The following ATP6V1C1 variants were observed in gnomAD, a reference collection of about 807,000 sequenced individuals.
ATP6V1C1 encodes the protein ATPase H+ transporting V1 subunit C1, also known as V-type proton ATPase subunit C 1.
A neutral mutation model predicts 53.9 loss-of-function variants in ATP6V1C1; 45 were observed. The observed-to-expected ratio is 0.83, with a 90% confidence interval of 0.66 to 1.07. ATP6V1C1 has a LOEUF of 1.07. Ranked by LOEUF, ATP6V1C1 falls within the 50% of genes least tolerant of loss-of-function variation. The probability of loss-of-function intolerance (pLI) is 0.00; values close to 1 mark genes in which losing one functional copy is unlikely to be tolerated. For missense variants in ATP6V1C1, 315 were observed against 440.3 expected, an observed-to-expected ratio of 0.72 and a Z score of 2.55; for synonymous variants, 153 against 155.2, an observed-to-expected ratio of 0.99 and a Z score of 0.11.
At chr8:103,062,177 T>G (rs1183096867) in intron 8 of ATP6V1C1, among the ~76,000 whole-genome samples, 1 of 136,122 alleles carries the variant, frequency 7.3e-6, no homozygotes, top group Non-Finnish European at 1.6e-5. Flanking sequence ...TTTTTTTTTT[T>G]TTTTTTTTTT....
chr8:103,030,880 A>G (rs1346385014), intron 1 of ATP6V1C1, among the ~76,000 whole-genome samples: 1 of 152,218 alleles, frequency 6.6e-6, no homozygotes, highest in African/African-American at 2.4e-5. Context: ...GATATGGGAG[A>G]GAGAACTTAT....
rs535291897 is a variant in ATP6V1C1 at position 103,070,564 on chromosome 8, A to G, written c.*1817A>G. 3 of 152,312 alleles carry G rather than the reference A, an allele frequency of 2.0e-5. No homozygotes were observed. Among genetic ancestry groups the G allele is most frequent in the Non-Finnish European group, 2.9e-5 (2 of 68,034 alleles). The allele number at this position is 152,312 out of a possible 1,614,324, so 9.4% of individuals were successfully genotyped here. ...TCTGTAACGTGGCGCTACTCTCTCT[A>G]TCATGGGGGGGCATGTTTTGACATT... is the stretch of plus-strand genomic sequence containing the variant. On this transcript the variant is annotated 3_prime_UTR_variant, in exon 13 of 13. Transcript: ENST00000518738.
chr8:103,061,808 C>T (rs901955555), intron 8 of ATP6V1C1, among the ~76,000 whole-genome samples: 1 of 152,204 alleles, frequency 6.6e-6, no homozygotes, highest in African/African-American at 2.4e-5. Context: ...TTCCCCTGCC[C>T]CAAGGTTATC....
chr8:103,042,297 TAA>T, intron 2 of ATP6V1C1, 41 bp from the exon 3 acceptor site: 3 of 1,486,390 alleles, frequency 2.0e-6, no homozygotes, highest in Non-Finnish European at 2.8e-6. Flanking sequence ...TTTTTTTTTT[TAA>T]AAAAGCATGC....
intron 8 of ATP6V1C1, among the ~76,000 whole-genome samples, chr8:103,057,835 T>G (rs1217246472): frequency 6.6e-6 from 1 of 152,232 alleles, no homozygotes; most frequent in African/African-American, 2.4e-5. Flanking sequence ...TGAATGTTTT[T>G]TTTTTCATTT....
At chr8:103,035,381 T>C (rs1446046895) in intron 1 of ATP6V1C1, among the ~76,000 whole-genome samples, 2 of 152,250 alleles carry the variant, frequency 1.3e-5, no homozygotes, top group Non-Finnish European at 2.9e-5. Flanking sequence ...TCCCTGCTAT[T>C]GCCAGGAATT....
chr8:103,046,871 A>G (rs1194868093), intron 3 of ATP6V1C1, among the ~76,000 whole-genome samples: 1 of 152,208 alleles, frequency 6.6e-6, no homozygotes, highest in Non-Finnish European at 1.5e-5. Flanking sequence ...ATCCTCTTGT[A>G]AATAGGCATA....
chr8:103,021,168 A>G lies in ATP6V1C1; in HGVS notation c.-97A>G, dbSNP rs973313183. 5 of 152,974 alleles carry G rather than the reference A, an allele frequency of 3.3e-5. No individual in the cohort carries two copies. Among genetic ancestry groups the G allele is most frequent in the African/African-American group, 1.2e-4 (5 of 41,474 alleles). The allele number at this position is 152,974 out of a possible 1,614,324, so 9.5% of individuals were successfully genotyped here. A position where few individuals can be genotyped will look rare whatever the true frequency, so the allele number is the denominator to read the frequency against. On this transcript the variant is annotated 5_prime_UTR_variant, in exon 1 of 13. Coordinates refer to ENST00000518738, the MANE Select transcript of ATP6V1C1 (RefSeq NM_001695.5). Reference sequence around the variant, plus strand: ...GATCGCTGAGCCGATAGCGTCCGCTAGGCTGTCTGCCTCGGTACCTGTTAC... The same window carrying G: ...GATCGCTGAGCCGATAGCGTCCGCTGGGCTGTCTGCCTCGGTACCTGTTAC...
At chr8:103,049,967 G>A (rs140865583) in intron 4 of ATP6V1C1, among the ~76,000 whole-genome samples, 1 of 151,350 alleles carries the variant, frequency 6.6e-6, no homozygotes, top group Non-Finnish European at 1.5e-5. Context: ...AAAAAAAAAA[G>A]GAAGAAGGAT....
intron 1 of ATP6V1C1, among the ~76,000 whole-genome samples, chr8:103,036,118 C>T (rs543300920): frequency 7.2e-5 from 11 of 152,246 alleles, no homozygotes; most frequent in African/African-American, 2.2e-4. Flanking sequence ...CCCAGGTGCA[C>T]CAGAGCACAG....
At chr8:103,023,608 C>A (rs1485692458) in intron 1 of ATP6V1C1, among the ~76,000 whole-genome samples, 2 of 152,166 alleles carry the variant, frequency 1.3e-5, no homozygotes, top group Non-Finnish European at 2.9e-5. Context: ...GTAAGGTCAT[C>A]TATTTCAGAA....
Position 103,064,695 on chromosome 8 carries a change from A to AT in ATP6V1C1, c.829-11dup, listed in dbSNP as rs151079473. ...TATTTCTAAGACCAAATTTGTGGTAATTTTTTTTCTTTTTATAGGGACCAC... is the reference window on the plus strand; with the variant it reads ...TATTTCTAAGACCAAATTTGTGGTAATTTTTTTTTCTTTTTATAGGGACCAC... On this transcript the variant is annotated intron_variant, in intron 10 of 12. Transcript: ENST00000518738. 5.6e-6 allele frequency: 9 copies of AT among 1,594,510 alleles called. No homozygotes were observed. Among genetic ancestry groups the AT allele is most frequent in the East Asian group, 2.2e-5 (1 of 44,620 alleles).
chr8:103,068,878 C>T lies in ATP6V1C1; in HGVS notation c.*131C>T, dbSNP rs1376551673. ...TTACGCCCTTTCCTAGGTGAATTCT[C>T]CCACAGTGGTCTGTATCTCAACATT... On this transcript the variant is annotated 3_prime_UTR_variant, in exon 13 of 13. Coordinates refer to ENST00000518738, the MANE Select transcript of ATP6V1C1 (RefSeq NM_001695.5). 1.1e-5 allele frequency: 6 copies of T among 536,464 alleles called. No individual in the cohort carries two copies. The highest frequency in any genetic ancestry group is 8.0e-5 in the Admixed American group (2 of 25,058). 33.2% of individuals were successfully genotyped at this position (536,464 alleles called of 1,614,324 possible). A position where few individuals can be genotyped will look rare whatever the true frequency, so the allele number is the denominator to read the frequency against.
intron 12 of ATP6V1C1, among the ~76,000 whole-genome samples, chr8:103,067,117 C>T (rs551329272): frequency 6.8e-6 from 1 of 147,236 alleles, no homozygotes; most frequent in Non-Finnish European, 1.5e-5. Flanking sequence ...TGTAGTGGGC[C>T]GCTGGGCGTG....
At chr8:103,037,028 A>G (rs1816910571) in intron 1 of ATP6V1C1, among the ~76,000 whole-genome samples, 1 of 151,770 alleles carries the variant, frequency 6.6e-6, no homozygotes, top group South Asian at 2.1e-4. Context: ...ATTTTCTAAT[A>G]ACTGAAAATG....
At position 103,064,800 on chromosome 8, in the gene ATP6V1C1, G is replaced by A. The variant is rs1563610462; in HGVS notation, c.915G>A (p.Glu305=). 6.2e-7 allele frequency: 1 copy of A among 1,612,674 alleles called. No homozygotes were observed. The highest frequency in any genetic ancestry group is 8.5e-7 in the Non-Finnish European group (1 of 1,179,524). ...TGAAAGCATTACGGGTTTTCGTTGA[G>A]TCTGTTTTAAGGTAAAGCAAGTTAA... ...IHVKALRVFV[E]SVLRYGLPVN... is the part of the protein sequence containing the mutation. The change falls in exon 11 of 13, where the codon GAG becomes GAA. Residue 305 remains glutamate, a synonymous_variant. Coordinates refer to ENST00000518738, the MANE Select transcript of ATP6V1C1 (RefSeq NM_001695.5).
Position 103,062,166 on chromosome 8 carries a change from T to G in ATP6V1C1, c.642-789T>G, listed in dbSNP as rs934768931. Among the ~76,000 whole-genome samples the G allele has an allele frequency of 2.7e-4, 34 of 124,546 alleles. 1 individual carries two copies. The highest frequency in any genetic ancestry group is 3.9e-4 in the Non-Finnish European group (23 of 58,978). The allele number at this position is 124,546 out of a possible 152,430, so 81.7% of individuals were successfully genotyped here. A position where few individuals can be genotyped will look rare whatever the true frequency, so the allele number is the denominator to read the frequency against. ...AGACAGTTGTGTTCATCAGGGTTTTTTTTTTTTTTTTTTTTTTTTTTTTTG... is the reference window on the plus strand; with the variant it reads ...AGACAGTTGTGTTCATCAGGGTTTTGTTTTTTTTTTTTTTTTTTTTTTTTG... On this transcript the variant is annotated intron_variant, in intron 8 of 12. Coordinates refer to ENST00000518738, the MANE Select transcript of ATP6V1C1 (RefSeq NM_001695.5).
intron 3 of ATP6V1C1, among the ~76,000 whole-genome samples, chr8:103,046,520 T>C (rs111637577): frequency 2.0e-5 from 3 of 152,190 alleles, no homozygotes; most frequent in Non-Finnish European, 4.4e-5. Flanking sequence ...CCAGCTCAGA[T>C]TTTTTAGGGA....
At chr8:103,057,310 A>G (rs1817304723) in intron 8 of ATP6V1C1, among the ~76,000 whole-genome samples, 1 of 152,200 alleles carries the variant, frequency 6.6e-6, no homozygotes, top group African/African-American at 2.4e-5. Flanking sequence ...GCTGAAGTGA[A>G]GTTACAAAGG....
Sources: allele counts gnomAD v4.1 joint callset (sites outside exome capture counted in the v4.1 genomes callset), GRCh38; gene constraint gnomAD v4.1.1; transcripts MANE v1.5; gene names NCBI Gene and HGNC (gene_info 2026-07-23, HGNC 2026-07-21).